L3MBTL4: variants seen among roughly 807,000 people sequenced by gnomAD.
The protein encoded by L3MBTL4 is lethal(3)malignant brain tumor-like protein 4.
L3MBTL4 carries 70 observed loss-of-function variants against 84.5 expected under a neutral mutation model. The ratio of observed to expected loss-of-function variants is 0.83; its 90% confidence interval spans 0.68 to 1.01. The LOEUF (loss-of-function observed/expected upper bound fraction) is 1.01, where lower values mean the gene tolerates loss of function less well. Among genes scored for constraint, L3MBTL4 ranks in the 50% least tolerant of loss-of-function variants. The pLI is 0.00. For synonymous variants in L3MBTL4, 274 were observed against 259.8 expected, an observed-to-expected ratio of 1.05 and a Z score of -0.52; for missense variants, 715 against 754.8, an observed-to-expected ratio of 0.95 and a Z score of 0.62.
chr18:6,380,542 A>C (rs977047865), intron 1 of L3MBTL4, among the ~76,000 whole-genome samples: 6 of 152,174 alleles, frequency 3.9e-5, no homozygotes. Flanking sequence ...GTTTCAAAGA[A>C]CATCTTTATT....
intron 16 of L3MBTL4, among the ~76,000 whole-genome samples, chr18:6,048,944 C>T (rs949797832): frequency 6.6e-6 from 1 of 152,054 alleles, no homozygotes; most frequent in African/African-American, 2.4e-5. Flanking sequence ...TGAAACTAGA[C>T]CACTACATTT....
chr18:6,153,662 A>G (rs1415261956), intron 13 of L3MBTL4, among the ~76,000 whole-genome samples: 1 of 152,100 alleles, frequency 6.6e-6, no homozygotes, highest in Non-Finnish European at 1.5e-5. Flanking sequence ...TCAAATTGCA[A>G]TCCCCATGTG....
At chr18:6,237,445 C>CTTTTTTTTT (rs1173599586) in intron 10 of L3MBTL4, among the ~76,000 whole-genome samples, 17 of 88,914 alleles carry the variant, frequency 1.9e-4, no homozygotes, top group African/African-American at 7.1e-4. Context: ...CCTAGTACAT[C>CTTTTTTTTT]TTTTTTTTTT....
chr18:6,190,355 A>G (rs912527112), intron 12 of L3MBTL4, among the ~76,000 whole-genome samples: 2 of 152,218 alleles, frequency 1.3e-5, no homozygotes, highest in East Asian at 1.9e-4. Flanking sequence ...GACCTGGATG[A>G]TAGTTACGGG....
intron 1 of L3MBTL4, among the ~76,000 whole-genome samples, chr18:6,349,535 G>A (rs750104847): frequency 5.9e-5 from 9 of 152,034 alleles, no homozygotes; most frequent in East Asian, 1.9e-4. Context: ...AGACCAGCCC[G>A]AGCAACACAT....
At chr18:6,329,992 G>A (rs1275419399) in intron 1 of L3MBTL4, among the ~76,000 whole-genome samples, 4 of 152,210 alleles carry the variant, frequency 2.6e-5, no homozygotes, top group African/African-American at 7.2e-5. Context: ...GTATGCAGAT[G>A]TAGACAGTTC....
chr18:6,273,639 A>C (rs1293891024), intron 4 of L3MBTL4, among the ~76,000 whole-genome samples: 2 of 152,222 alleles, frequency 1.3e-5, no homozygotes, highest in Non-Finnish European at 2.9e-5. Flanking sequence ...GCTGAAGAGG[A>C]GATGGCCAAG....
chr18:6,190,640 AGGGGAAAAAATTC>A (rs1025558528), intron 12 of L3MBTL4, among the ~76,000 whole-genome samples: 1 of 152,212 alleles, frequency 6.6e-6, no homozygotes, highest in Admixed American at 6.5e-5. Context: ...TGAACAAAAC[AGGGGAAAAAATTC>A]CTTGCCTTTT....
intron 16 of L3MBTL4, among the ~76,000 whole-genome samples, chr18:6,022,440 T>C (rs2055315059): frequency 6.6e-6 from 1 of 152,208 alleles, no homozygotes; most frequent in South Asian, 2.1e-4. Context: ...AAAGTCATTT[T>C]TTCAACAACA....
At chr18:6,274,414 A>G (rs412604) in intron 4 of L3MBTL4, among the ~76,000 whole-genome samples, 34,593 of 152,090 alleles carry the variant, frequency 0.23, 4,542 homozygotes, top group African/African-American at 0.36. Context: ...AATTCCGACT[A>G]CAGTCCCTGT....
chr18:6,272,042 G>A (rs2048894405), intron 4 of L3MBTL4, among the ~76,000 whole-genome samples: 1 of 152,242 alleles, frequency 6.6e-6, no homozygotes, highest in Non-Finnish European at 1.5e-5. Context: ...CGGGGAAAAA[G>A]AGAAAGGAAG....
chr18:5,977,677 T>C (rs981334451), intron 16 of L3MBTL4, among the ~76,000 whole-genome samples: 17 of 152,214 alleles, frequency 1.1e-4, no homozygotes, highest in African/African-American at 3.9e-4. Context: ...CTGCTGTTGA[T>C]ACTATTCCAA....
chr18:6,114,753 G>A (rs904982741), intron 14 of L3MBTL4, among the ~76,000 whole-genome samples: 8 of 152,186 alleles, frequency 5.3e-5, no homozygotes, highest in Non-Finnish European at 8.8e-5. Flanking sequence ...GCTTACAAAA[G>A]CTATCTTATT....
chr18:6,337,244 TC>T (rs1215797540), intron 1 of L3MBTL4, among the ~76,000 whole-genome samples: 1 of 152,000 alleles, frequency 6.6e-6, no homozygotes, highest in Admixed American at 6.6e-5. Context: ...CCAAAAATGT[TC>T]CAAAACTGAG....
intron 16 of L3MBTL4, among the ~76,000 whole-genome samples, chr18:5,995,862 T>C (rs2053938214): frequency 6.6e-6 from 1 of 152,148 alleles, no homozygotes; most frequent in Admixed American, 6.6e-5. Flanking sequence ...GCTGGGTCCA[T>C]TGATCCCCGC....
chr18:6,411,052 A>G (rs201773947), intron 1 of L3MBTL4, among the ~76,000 whole-genome samples: 1 of 152,356 alleles, frequency 6.6e-6, no homozygotes, highest in East Asian at 1.9e-4. Context: ...AATCGTTTGT[A>G]TTTGCATAAT....
chr18:6,186,987 A>G (rs922535850), intron 12 of L3MBTL4, among the ~76,000 whole-genome samples: 1 of 152,140 alleles, frequency 6.6e-6, no homozygotes, highest in African/African-American at 2.4e-5. Context: ...GTGTGATGCT[A>G]AGGCCTCAAA....
At chr18:6,088,008 T>C (rs1041942513) in intron 15 of L3MBTL4, among the ~76,000 whole-genome samples, 1 of 152,242 alleles carries the variant, frequency 6.6e-6, no homozygotes, top group Middle Eastern at 3.2e-3. Flanking sequence ...AGATCTATAA[T>C]GTGAAACATA....
At chr18:6,134,284 C>A (rs551564138) in intron 14 of L3MBTL4, among the ~76,000 whole-genome samples, 1 of 152,120 alleles carries the variant, frequency 6.6e-6, no homozygotes, top group Non-Finnish European at 1.5e-5. Context: ...CTGAGAGATA[C>A]AATTCAAGTT....
Sources: gnomAD v4.1 joint callset for allele counts (sites outside exome capture counted in the v4.1 genomes callset) on GRCh38, gnomAD v4.1.1 for gene constraint, MANE v1.5 for transcripts, NCBI Gene and HGNC (gene_info 2026-07-23, HGNC 2026-07-21) for gene names.